The following PRH1 variants were observed in gnomAD, a reference collection of about 807,000 sequenced individuals.
PRH1 encodes proline rich protein HaeIII subfamily 1, also known as salivary acidic proline-rich phosphoprotein 1/2.
Under a neutral mutation model 7.9 loss-of-function variants are expected in PRH1, and 7 were observed. The ratio of observed to expected loss-of-function variants is 0.89; its 90% confidence interval spans 0.50 to 1.67. PRH1 has a LOEUF of 1.67. Ranked by LOEUF, PRH1 falls within the 40% of genes most tolerant of loss-of-function variation. The pLI is 0.00. For missense variants in PRH1, 109 were observed against 223.6 expected (o/e 0.49, Z 3.27); for synonymous variants, 45 against 80.8 (o/e 0.56, Z 2.38).
intron 1 of PRH1, among the ~76,000 whole-genome samples, chr12:11,007,623 T>C (rs575641624): frequency 1.3e-5 from 2 of 152,266 alleles, no homozygotes; most frequent in East Asian, 3.9e-4. Context: ...TACCTTGACC[T>C]TGGAATCTGA....
rs750823944 is a variant in PRH1, at chr12:11,021,956, G to T, written c.-126+25064C>A. Reference sequence around the variant, plus strand: ...TTGCTATGGAGCCGCATCTTCTTGAGATGTTTACAAAGAGAACAGATTAAC... The same window carrying T: ...TTGCTATGGAGCCGCATCTTCTTGATATGTTTACAAAGAGAACAGATTAAC... On this transcript the variant is annotated intron_variant, in intron 1 of 3. Coordinates refer to the PRH1 transcript ENST00000539853. The T allele has an allele frequency of 3.7e-6, 6 of 1,613,212 alleles. No homozygotes were observed. In the African/African-American group the frequency reaches 6.7e-5, roughly 18 times the overall value.
intron 1 of PRH1, among the ~76,000 whole-genome samples, chr12:11,146,726 C>T (rs548885684): frequency 2.0e-5 from 3 of 152,006 alleles, no homozygotes; most frequent in African/African-American, 7.2e-5. Flanking sequence ...GATCTTAGTC[C>T]TTTTGGACTA....
At chr12:11,018,144 T>C (rs10772418) in intron 1 of PRH1, among the ~76,000 whole-genome samples, 66,824 of 151,872 alleles carry the variant, frequency 0.44, 15,487 homozygotes, top group Non-Finnish European at 0.51. Flanking sequence ...GTGGGCATCA[T>C]AGGACTCTGT....
chr12:10,911,984 A>C (rs368911375), intron 2 of PRH1, among the ~76,000 whole-genome samples: 1 of 152,178 alleles, frequency 6.6e-6, no homozygotes, highest in African/African-American at 2.4e-5. Context: ...TGTATCCCTA[A>C]GCACTAGCTT....
At chr12:11,096,958 C>A (rs1312556053) in intron 1 of PRH1, among the ~76,000 whole-genome samples, 1 of 113,118 alleles carries the variant, frequency 8.8e-6, no homozygotes, top group Admixed American at 8.9e-5. Flanking sequence ...CCACCACGCT[C>A]GGCTAATTTT....
At chr12:11,096,831 G>A (rs368722688) in intron 1 of PRH1, among the ~76,000 whole-genome samples, 1 of 114,316 alleles carries the variant, frequency 8.7e-6, no homozygotes, top group African/African-American at 2.9e-5. Flanking sequence ...ACGGAGTCTC[G>A]TTGTCTCCCA....
At chr12:10,996,209 G>A (rs547654632) in intron 1 of PRH1, among the ~76,000 whole-genome samples, 135 of 151,662 alleles carry the variant, frequency 8.9e-4, no homozygotes, top group African/African-American at 3.1e-3. Context: ...CATGCCTGGA[G>A]TCCCAGCCAC....
chr12:11,026,634 G>T (rs1393813577), intron 1 of PRH1, among the ~76,000 whole-genome samples: 1 of 152,002 alleles, frequency 6.6e-6, no homozygotes, highest in Non-Finnish European at 1.5e-5. Flanking sequence ...AGTTACAGGG[G>T]ATGGTAGTCC....
chr12:11,041,288 C>CAAAAAAAAAAAAAAA (rs67144212), intron 1 of PRH1, among the ~76,000 whole-genome samples: 4 of 81,388 alleles, frequency 4.9e-5, no homozygotes, highest in Admixed American at 2.6e-4. Context: ...CAATGCAAAC[C>CAAAAAAAAAAAAAAA]AAAAAAAAAA....
chr12:11,100,601 T>G (rs1260620481), intron 1 of PRH1, among the ~76,000 whole-genome samples: 1 of 152,218 alleles, frequency 6.6e-6, no homozygotes, highest in African/African-American at 2.4e-5. Context: ...CACTTCTTAG[T>G]TTTTAACAAT....
chr12:11,001,521 T>C (rs2136019932), intron 1 of PRH1, among the ~76,000 whole-genome samples: 1 of 152,226 alleles, frequency 6.6e-6, no homozygotes, highest in South Asian at 2.1e-4. Flanking sequence ...CACAAAGGAC[T>C]GGACACCTCC....
chr12:11,108,591 G>A (rs1945499291), intron 1 of PRH1, among the ~76,000 whole-genome samples: 1 of 152,192 alleles, frequency 6.6e-6, no homozygotes, highest in Non-Finnish European at 1.5e-5. Flanking sequence ...TCCTAGCCAA[G>A]GGAAGCTGTA....
intron 2 of PRH1, chr12:10,938,386 T>G: frequency 6.2e-7 from 1 of 1,613,992 alleles, no homozygotes; most frequent in Non-Finnish European, 8.5e-7. Context: ...ATGAGTGACA[T>G]GAAGGATAAG....
At chr12:11,059,048 G>A (rs185694089) in intron 1 of PRH1, among the ~76,000 whole-genome samples, 18 of 152,276 alleles carry the variant, frequency 1.2e-4, no homozygotes, top group Non-Finnish European at 1.9e-4. Flanking sequence ...CCTCCACCTA[G>A]GGACTGGATG....
chr12:10,977,466 A>G (rs1315751840), intron 1 of PRH1, among the ~76,000 whole-genome samples: 1 of 152,188 alleles, frequency 6.6e-6, no homozygotes, highest in Non-Finnish European at 1.5e-5. Flanking sequence ...ATACCGAATG[A>G]GCAAAACTGG....
At chr12:10,931,399 G>C (rs1372221506) in intron 2 of PRH1, among the ~76,000 whole-genome samples, 1 of 152,144 alleles carries the variant, frequency 6.6e-6, no homozygotes, top group Non-Finnish European at 1.5e-5. Flanking sequence ...TTTATTTAAA[G>C]TTTTACCTGA....
intron 1 of PRH1, chr12:11,091,596 G>A (rs774563233): frequency 1.5e-6 from 2 of 1,320,648 alleles, no homozygotes; most frequent in South Asian, 1.1e-5. Context: ...CCTTTACCAT[G>A]GAGCTGCATC....
intron 1 of PRH1, among the ~76,000 whole-genome samples, chr12:11,022,868 A>AC (rs113977012): frequency 6.6e-6 from 1 of 151,764 alleles, no homozygotes; most frequent in African/African-American, 2.4e-5. Context: ...GAAGTGGAAA[A>AC]TGAATTCTCA....
intron 1 of PRH1, among the ~76,000 whole-genome samples, chr12:11,155,937 C>G (rs540567707): frequency 6.6e-6 from 1 of 152,162 alleles, no homozygotes; most frequent in South Asian, 2.1e-4. Context: ...TAAATTTAAT[C>G]TTTTCACCTT....
Sources: allele counts gnomAD v4.1 joint callset (sites outside exome capture counted in the v4.1 genomes callset), GRCh38; gene constraint gnomAD v4.1.1; transcripts MANE v1.5; gene names NCBI Gene and HGNC (gene_info 2026-07-23, HGNC 2026-07-21).